IDUA: variants seen among roughly 807,000 people sequenced by gnomAD.
IDUA encodes iduronidase alpha-L-.
A neutral mutation model predicts 68.9 loss-of-function variants in IDUA; 65 were observed. That is an observed-to-expected ratio of 0.94 (90% CI 0.77 to 1.16). The LOEUF is 1.16. IDUA is among the 50% of genes most tolerant of loss of function. The probability of loss-of-function intolerance (pLI) is 0.00; values close to 1 mark genes in which losing one functional copy is unlikely to be tolerated. For synonymous variants in IDUA, 529 were observed against 433.6 expected (o/e 1.22, Z -2.73); for missense variants, 1,046 against 938.0 (o/e 1.12, Z -1.50).
chr4:989,825 GCA>G (rs1349422788), intron 2 of IDUA: 4 of 1,579,572 alleles, frequency 2.5e-6, no homozygotes, highest in Non-Finnish European at 3.4e-6. Context: ...TGGTTGGCAC[GCA>G]CAGAGTAGCC....
intron 2 of IDUA, among the ~76,000 whole-genome samples, chr4:997,345 C>A (rs1714799078): frequency 6.6e-6 from 1 of 151,260 alleles, no homozygotes; most frequent in Non-Finnish European, 1.5e-5. Context: ...CACTCCCACC[C>A]CCACCCTCAG....
chr4:1,001,381 G>A (rs1326149180), intron 4 of IDUA, 87 bp from the exon 5 acceptor site: 8 of 1,087,812 alleles, frequency 7.4e-6, no homozygotes, highest in Middle Eastern at 2.0e-4. Context: ...TGAGTCAGAC[G>A]CCCTTCATCA....
chr4:1,002,635 C>T, intron 8 of IDUA, 97 bp from the exon 9 acceptor site: 1 of 1,177,920 alleles, frequency 8.5e-7, no homozygotes. Flanking sequence ...ACTCCTTCAC[C>T]AAGGGGAGGG....
chr4:991,726 C>A lies in IDUA; in HGVS notation c.299+3777C>A, dbSNP rs576159804. 264 of 1,531,704 alleles carry A rather than the reference C, an allele frequency of 1.7e-4. 3 individuals are homozygous for A. The South Asian group carries it at 3.0e-3, about 18-fold the overall frequency. The allele number at this position is 1,531,704 out of a possible 1,614,324, so 94.9% of individuals were successfully genotyped here. A position where few individuals can be genotyped will look rare whatever the true frequency, so the allele number is the denominator to read the frequency against. On this transcript the variant is annotated intron_variant, in intron 2 of 13. Coordinates refer to ENST00000514224, the MANE Select transcript of IDUA (RefSeq NM_000203.5). ...CATCCTGTTGCGTCAGGTCCCGTGG[C>A]CGACCTGCGGCCGAGAAGAGGGCAT...
intron 12 of IDUA, 137 bp from the exon 13 acceptor site, chr4:1,003,875 G>A (rs1213589959): frequency 5.8e-6 from 5 of 864,868 alleles, no homozygotes; most frequent in Admixed American, 5.2e-5. Context: ...TGGGCAGGAA[G>A]AGTGCCCAGG....
intron 2 of IDUA, among the ~76,000 whole-genome samples, chr4:994,758 A>AC (rs112753083): frequency 0.16 from 24,055 of 151,720 alleles, 2,206 homozygotes; most frequent in South Asian, 0.33. Context: ...CCCAACCTTT[A>AC]AAAAATTAAA....
Position 1,002,329 on chromosome 4 carries a change from C to G in IDUA, c.1033C>G (p.Leu345Val). Residue 345 changes from leucine to valine, a missense_variant, in exon 8 of 14, where the codon CTC becomes GTC. Leu to Val is a conservative substitution (Grantham distance 32). Transcript: ENST00000514224. ...ANTTSAFPYA[L>V]LSNDNAFLSY... ...CACCACCTCCGCCTTCCCCTACGCG[C>G]TCCTGAGCAACGACAATGCCTTCCT... 6.2e-7 allele frequency: 1 copy of G among 1,613,280 alleles called. No individual in the cohort carries two copies. Among genetic ancestry groups the G allele is most frequent in the Non-Finnish European group, 8.5e-7 (1 of 1,179,724 alleles).
intron 2 of IDUA, among the ~76,000 whole-genome samples, chr4:998,325 G>T (rs1314665920): frequency 6.6e-6 from 1 of 152,184 alleles, no homozygotes; most frequent in Non-Finnish European, 1.5e-5. Flanking sequence ...GAGGCGTTGA[G>T]GTGTCCAGAC....
rs1300501994 is a variant in IDUA at position 990,289 on chromosome 4, A to G, written c.299+2340A>G. Reference sequence around the variant, plus strand: ...GGTCAGGATGGTCACGGAGGCCCCCATGGCAAAGCCATCGAGCAGTGGCTG... The same window carrying G: ...GGTCAGGATGGTCACGGAGGCCCCCGTGGCAAAGCCATCGAGCAGTGGCTG... On this transcript the variant is annotated intron_variant, in intron 2 of 13. Coordinates refer to ENST00000514224, the MANE Select transcript of IDUA (RefSeq NM_000203.5). The G allele has an allele frequency of 4.1e-5, 66 of 1,603,134 alleles. No individual in the cohort carries two copies. Among genetic ancestry groups the G allele is most frequent in the Non-Finnish European group, 5.1e-5 (60 of 1,176,488 alleles).
intron 2 of IDUA, among the ~76,000 whole-genome samples, chr4:997,820 C>T (rs1461933492): frequency 1.3e-5 from 2 of 152,224 alleles, no homozygotes; most frequent in South Asian, 2.1e-4. Context: ...ATCCCTGTCC[C>T]GGGCTCCCCT....
Position 987,094 on chromosome 4 carries a change from C to A in IDUA, c.10C>A (p.Leu4Met), listed in dbSNP as rs1042371669. 1 of 1,472,056 alleles carries A rather than the reference C, an allele frequency of 6.8e-7. No individual in the cohort carries two copies. The highest frequency in any genetic ancestry group is 1.5e-5 in the African/African-American group (1 of 68,354). 91.2% of individuals were successfully genotyped at this position (1,472,056 alleles called of 1,614,324 possible). A position where few individuals can be genotyped will look rare whatever the true frequency, so the allele number is the denominator to read the frequency against. The change falls in exon 1 of 14, where the codon CTG becomes ATG. Residue 4 changes from leucine (L) to methionine (M), a missense_variant. Coordinates refer to ENST00000514224, the MANE Select transcript of IDUA (RefSeq NM_000203.5). MRP[L>M]RPRAALLALL... is the part of the protein sequence containing the mutation. Reference sequence around the variant, plus strand: ...CCGAGCACGCGTGGCCATGCGTCCCCTGCGCCCCCGCGCCGCGCTGCTGGC... The same window carrying A: ...CCGAGCACGCGTGGCCATGCGTCCCATGCGCCCCCGCGCCGCGCTGCTGGC...
At chr4:994,087 AT>A (rs994922473) in intron 2 of IDUA, among the ~76,000 whole-genome samples, 4 of 152,166 alleles carry the variant, frequency 2.6e-5, no homozygotes, top group African/African-American at 7.2e-5. Context: ...AAGATAAATG[AT>A]TTTTTTAAGT....
At chr4:1,003,220 G>A in intron 10 of IDUA, 63 bp downstream of exon 10, 1 of 1,235,644 alleles carries the variant, frequency 8.1e-7, no homozygotes, top group South Asian at 2.3e-5. Context: ...GGTGGGGTCC[G>A]GGGCGGGGGC....
chr4:1,000,779 C>A (rs1035016338), intron 3 of IDUA, 82 bp downstream of exon 3: 60 of 1,450,520 alleles, frequency 4.1e-5, no homozygotes, highest in Non-Finnish European at 5.6e-5. Context: ...CCCTCTGAGT[C>A]CTTGGATGTC....
At position 1,004,256 on chromosome 4, in the gene IDUA, C is replaced by G. The variant is rs757535645; in HGVS notation, c.1829-4C>G. ...GGTTGGCACACATGTCCCCTTGTCT[C>G]CAGACACAGGTGCTGTCTCTGGCTC... On this transcript the variant is annotated splice_region_variant and splice_polypyrimidine_tract_variant and intron_variant, in intron 13 of 13. Transcript: ENST00000514224. The surrounding 1 kb of genome is among the most constrained non-coding windows in gnomAD (Gnocchi z 5.0). The G allele has an allele frequency of 6.2e-7, 1 of 1,609,880 alleles. No homozygotes were observed. Among genetic ancestry groups the G allele is most frequent in the Non-Finnish European group, 8.5e-7 (1 of 1,179,978 alleles).
In IDUA at chr4:1,001,983, G is replaced by A. The variant is rs931510421; in HGVS notation, c.794G>A (p.Gly265Asp). The A allele has an allele frequency of 4.4e-5, 69 of 1,581,952 alleles. No homozygotes were observed. Among genetic ancestry groups the A allele is most frequent in the Non-Finnish European group, 5.8e-5 (68 of 1,165,814 alleles). Residue 265 changes from glycine to aspartate, a missense_variant and splice_region_variant, in exon 7 of 14, where the codon GGT (glycine) becomes GAT (aspartate). Transcript: ENST00000514224. Reference protein sequence around the residue: ...RLDYISLHRKGARSSISILEQ... With the variant: ...RLDYISLHRKDARSSISILEQ... ...GTGCTGAGGCGGCCCCGCCCGCAGG[G>A]TGCGCGCAGCTCCATCTCCATCCTG...
intron 2 of IDUA, among the ~76,000 whole-genome samples, chr4:997,572 C>A (rs985754933): frequency 6.6e-6 from 1 of 151,374 alleles, no homozygotes; most frequent in Non-Finnish European, 1.5e-5. Context: ...CGCCGCGGCC[C>A]CAGCGACACC....
At chr4:1,003,013 G>A (rs1307972036) in intron 9 of IDUA, 23 bp from the exon 10 acceptor site, 2 of 1,458,132 alleles carry the variant, frequency 1.4e-6, no homozygotes, top group African/African-American at 1.5e-5. Flanking sequence ...GGGGAGCCGA[G>A]GCCTGAGTGT....
chr4:1,003,070 G>C lies in IDUA; in HGVS notation c.1437G>C (p.Gly479=). ...LVYVTRYLDN[G]LCSPDGEWRR... ...ACGTCACGCGCTACCTGGACAACGG[G>C]CTCTGCAGCCCCGACGGCGAGTGGC... is the stretch of plus-strand genomic sequence containing the variant. Residue 479 remains glycine, a synonymous_variant, in exon 10 of 14, where the codon GGG becomes GGC. Coordinates refer to ENST00000514224, the MANE Select transcript of IDUA (RefSeq NM_000203.5). The C allele has an allele frequency of 6.6e-7, 1 of 1,521,698 alleles. No individual in the cohort carries two copies. Among genetic ancestry groups the C allele is most frequent in the Admixed American group, 2.0e-5 (1 of 50,066 alleles). The allele number at this position is 1,521,698 out of a possible 1,614,324, so 94.3% of individuals were successfully genotyped here.
Sources: gnomAD v4.1 joint callset for allele counts (sites outside exome capture counted in the v4.1 genomes callset) on GRCh38, gnomAD v4.1.1 for gene constraint, Gnocchi (gnomAD v3.1) non-coding constraint, MANE v1.5 for transcripts, NCBI Gene and HGNC (gene_info 2026-07-23, HGNC 2026-07-21) for gene names.